CDH18: variants seen among roughly 807,000 people sequenced by gnomAD.
CDH18 encodes the protein cadherin-18.
A neutral mutation model predicts 67.9 loss-of-function variants in CDH18; 31 were observed. That is an observed-to-expected ratio of 0.46 (90% confidence interval 0.34 to 0.62). The LOEUF is 0.62. CDH18 is among the 20% of genes least tolerant of loss of function. The probability of loss-of-function intolerance (pLI) is 0.01; values close to 1 mark genes in which losing one functional copy is unlikely to be tolerated. For synonymous variants in CDH18, 362 were observed against 347.2 expected (o/e 1.04, Z -0.48); for missense variants, 890 against 975.5 (o/e 0.91, Z 1.17).
At chr5:20,102,593 G>A (rs952825970) in intron 2 of CDH18, among the ~76,000 whole-genome samples, 3 of 152,148 alleles carry the variant, frequency 2.0e-5, no homozygotes, top group Admixed American at 6.5e-5. Context: ...CAGCAACTGC[G>A]CAGAAGCTGG....
intron 1 of CDH18, among the ~76,000 whole-genome samples, chr5:20,273,202 T>C (rs1259725981): frequency 1.3e-5 from 2 of 152,056 alleles, no homozygotes; most frequent in Non-Finnish European, 2.9e-5. Context: ...TTAGGAAATA[T>C]TCAACAAACA....
At chr5:19,731,915 C>T (rs1485846743) in intron 4 of CDH18, among the ~76,000 whole-genome samples, 1 of 151,760 alleles carries the variant, frequency 6.6e-6, no homozygotes, top group Admixed American at 6.6e-5. Flanking sequence ...CATGGCAAAA[C>T]CCTGTTTCTA....
At chr5:19,488,874 G>A (rs183521822) in intron 11 of CDH18, among the ~76,000 whole-genome samples, 20 of 152,206 alleles carry the variant, frequency 1.3e-4, no homozygotes, top group Admixed American at 1.3e-3. Context: ...GAATCTTACA[G>A]TGGCTTAATC....
At chr5:20,426,780 A>G (rs1477707475) in intron 1 of CDH18, among the ~76,000 whole-genome samples, 2 of 151,172 alleles carry the variant, frequency 1.3e-5, no homozygotes, top group African/African-American at 4.9e-5. Flanking sequence ...TTAAATAACA[A>G]TATAACTTTT....
At chr5:20,268,171 C>T (rs1172967037) in intron 1 of CDH18, among the ~76,000 whole-genome samples, 1 of 152,102 alleles carries the variant, frequency 6.6e-6, no homozygotes, top group African/African-American at 2.4e-5. Flanking sequence ...TGTATACGTA[C>T]CATATTTTCT....
At chr5:20,476,521 A>T (rs898618303) in intron 1 of CDH18, among the ~76,000 whole-genome samples, 1 of 152,128 alleles carries the variant, frequency 6.6e-6, no homozygotes, top group African/African-American at 2.4e-5. Flanking sequence ...ATTGAGTTGA[A>T]TTTCTTCACT....
intron 2 of CDH18, among the ~76,000 whole-genome samples, chr5:20,034,598 C>A (rs1739680001): frequency 6.6e-6 from 1 of 151,994 alleles, no homozygotes. Flanking sequence ...TGAATATTTT[C>A]TCTGCCTGAG....
chr5:19,911,230 G>C (rs969758908), intron 2 of CDH18, among the ~76,000 whole-genome samples: 5 of 152,092 alleles, frequency 3.3e-5, no homozygotes, highest in Non-Finnish European at 7.4e-5. Context: ...GGTATTTGGT[G>C]GCTGAGCATG....
intron 1 of CDH18, among the ~76,000 whole-genome samples, chr5:20,533,776 T>C (rs942198992): frequency 3.3e-5 from 5 of 152,232 alleles, no homozygotes; most frequent in South Asian, 4.1e-4. Context: ...AATAGGCATG[T>C]CCATTTTGTT....
chr5:19,737,397 T>C (rs1389074180), intron 4 of CDH18, among the ~76,000 whole-genome samples: 2 of 152,228 alleles, frequency 1.3e-5, no homozygotes, highest in East Asian at 3.9e-4. Flanking sequence ...CTGACTGCTG[T>C]GCCATTTTCA....
rs183276969 is a variant in CDH18 at position 20,117,678 on chromosome 5, G to A, written c.-517-125664C>T. On this transcript the variant is annotated intron_variant, in intron 2 of 14. Transcript: ENST00000507958. ...ATATTTTAGAAATGCAGTGAGAAGC[G>A]AACAGAATTATAATATATGATGCTA... Among the ~76,000 whole-genome samples the A allele has an allele frequency of 6.8e-4, 103 of 152,202 alleles. No homozygotes were observed. In the South Asian group the frequency reaches 0.017, roughly 25 times the overall value.
intron 2 of CDH18, among the ~76,000 whole-genome samples, chr5:19,953,536 TA>T (rs1180421255): frequency 2.0e-5 from 3 of 151,966 alleles, no homozygotes; most frequent in Non-Finnish European, 4.4e-5. Flanking sequence ...TTAAATAAAG[TA>T]AAAAATAAAA....
intron 2 of CDH18, among the ~76,000 whole-genome samples, chr5:20,241,871 T>TA (rs1340401132): frequency 1.8e-5 from 2 of 113,614 alleles, no homozygotes; most frequent in African/African-American, 7.1e-5. Flanking sequence ...AAAAATAAAA[T>TA]AAAATAAAAT....
chr5:20,330,410 C>T (rs1245118337), intron 1 of CDH18, among the ~76,000 whole-genome samples: 1 of 152,054 alleles, frequency 6.6e-6, no homozygotes, highest in Admixed American at 6.6e-5. Context: ...TAAACTGGCT[C>T]TCTAAAATAA....
At chr5:19,915,341 C>T (rs931528957) in intron 2 of CDH18, among the ~76,000 whole-genome samples, 2 of 152,098 alleles carry the variant, frequency 1.3e-5, no homozygotes, top group African/African-American at 4.8e-5. Context: ...GCTTTTATAG[C>T]TGACCCTTGG....
At chr5:20,139,763 A>G (rs1750075488) in intron 2 of CDH18, among the ~76,000 whole-genome samples, 2 of 152,160 alleles carry the variant, frequency 1.3e-5, no homozygotes, top group Non-Finnish European at 2.9e-5. Context: ...CAAAACCACA[A>G]TGAGATACCA....
At chr5:20,295,158 G>A (rs66957887) in intron 1 of CDH18, among the ~76,000 whole-genome samples, 17,097 of 152,142 alleles carry the variant, frequency 0.11, 1,402 homozygotes, top group African/African-American at 0.22. Context: ...AACATTGTAT[G>A]TAATTATCTT....
At chr5:20,005,413 T>G (rs1736808681) in intron 2 of CDH18, among the ~76,000 whole-genome samples, 1 of 69,766 alleles carries the variant, frequency 1.4e-5, no homozygotes, top group Admixed American at 2.2e-4. Flanking sequence ...TATATATATA[T>G]GTACACACAC....
chr5:19,662,818 T>C (rs1400365693), intron 5 of CDH18, among the ~76,000 whole-genome samples: 1 of 152,058 alleles, frequency 6.6e-6, no homozygotes, highest in African/African-American at 2.4e-5. Context: ...TACCAATTCT[T>C]TCATTTCCAT....
Sources: gnomAD v4.1 joint callset for allele counts (sites outside exome capture counted in the v4.1 genomes callset) on GRCh38, gnomAD v4.1.1 for gene constraint, MANE v1.5 for transcripts, NCBI Gene and HGNC (gene_info 2026-07-23, HGNC 2026-07-21) for gene names.